Variants in AFTPH observed in about 807,000 individuals in gnomAD.
AFTPH encodes aftiphilin, also known as aftiphilin protein.
A neutral mutation model predicts 72.5 loss-of-function variants in AFTPH; 7 were observed. The ratio of observed to expected loss-of-function variants is 0.10; its 90% CI spans 0.05 to 0.18. The LOEUF is 0.18. AFTPH is among the 10% of genes least tolerant of loss of function. The probability of loss-of-function intolerance (pLI) is 1.00; values close to 1 mark genes in which losing one functional copy is unlikely to be tolerated. For synonymous variants in AFTPH, 337 were observed against 370.1 expected, an observed-to-expected ratio of 0.91 and a Z score of 1.03; for missense variants, 979 against 1,060.5, an observed-to-expected ratio of 0.92 and a Z score of 1.07.
chr2:64,568,618 A>G (rs1248036186), intron 3 of AFTPH, among the ~76,000 whole-genome samples: 1 of 152,128 alleles, frequency 6.6e-6, no homozygotes, highest in Non-Finnish European at 1.5e-5. Context: ...GAAATTTCAC[A>G]GTGAAATACC....
At chr2:64,572,817 G>T in intron 5 of AFTPH, 129 bp from the exon 6 acceptor site, 6 of 1,140,440 alleles carry the variant, frequency 5.3e-6, no homozygotes, top group Non-Finnish European at 4.8e-6. Context: ...AAAAAAAAAA[G>T]ACTAGTTCCT....
At chr2:64,527,580 C>CAAA in intron 1 of AFTPH, among the ~76,000 whole-genome samples, 1 of 135,616 alleles carries the variant, frequency 7.4e-6, no homozygotes. Context: ...AACATCATCT[C>CAAA]AAAAAAAAAA....
intron 7 of AFTPH, among the ~76,000 whole-genome samples, chr2:64,585,032 A>T (rs1323783080): frequency 6.6e-6 from 1 of 152,236 alleles, no homozygotes; most frequent in Non-Finnish European, 1.5e-5. Context: ...AAATGAGATT[A>T]GTTAATTGAA....
At chr2:64,541,848 T>C (rs963372260) in intron 1 of AFTPH, among the ~76,000 whole-genome samples, 1 of 152,214 alleles carries the variant, frequency 6.6e-6, no homozygotes, top group East Asian at 1.9e-4. Context: ...CTCAGACATA[T>C]TGTGGTAAAA....
At chr2:64,540,357 C>A (rs1670165498) in intron 1 of AFTPH, among the ~76,000 whole-genome samples, 1 of 152,056 alleles carries the variant, frequency 6.6e-6, no homozygotes, top group South Asian at 2.1e-4. Context: ...GTTGAAGTAC[C>A]TTTTGGGAAA....
intron 2 of AFTPH, among the ~76,000 whole-genome samples, chr2:64,555,310 C>T (rs1671287526): frequency 6.6e-6 from 1 of 152,090 alleles, no homozygotes; most frequent in Admixed American, 6.5e-5. Context: ...CCTGTAATCA[C>T]AGCACTTTGG....
chr2:64,572,864 A>T, intron 5 of AFTPH, 82 bp from the exon 6 acceptor site: 2 of 1,538,778 alleles, frequency 1.3e-6, no homozygotes, highest in Non-Finnish European at 8.8e-7. Flanking sequence ...CCTGTTTTTT[A>T]CCTTCTTCTT....
chr2:64,551,023 T>C (rs1671014104), intron 1 of AFTPH, among the ~76,000 whole-genome samples: 1 of 152,192 alleles, frequency 6.6e-6, no homozygotes, highest in South Asian at 2.1e-4. Context: ...CCTTTATTAA[T>C]ATAAAGAACT....
intron 2 of AFTPH, among the ~76,000 whole-genome samples, chr2:64,555,598 C>CACAA (rs554377351): frequency 6.9e-6 from 1 of 144,694 alleles, no homozygotes; most frequent in African/African-American, 2.6e-5. Context: ...CACACACACA[C>CACAA]AAGACTTTCT....
intron 5 of AFTPH, 22 bp downstream of exon 5, chr2:64,569,701 C>A (rs1294481745): frequency 1.2e-6 from 2 of 1,607,154 alleles, no homozygotes; most frequent in Non-Finnish European, 1.7e-6. Flanking sequence ...AATCTCTCTG[C>A]ATGTATTTAT....
At chr2:64,537,217 G>A (rs1669945647) in intron 1 of AFTPH, among the ~76,000 whole-genome samples, 1 of 151,990 alleles carries the variant, frequency 6.6e-6, no homozygotes, top group Non-Finnish European at 1.5e-5. Flanking sequence ...ATACATCCTT[G>A]CAGATGAAAT....
At chr2:64,538,462 ACACTCTTGAG>A (rs1451049284) in intron 1 of AFTPH, among the ~76,000 whole-genome samples, 6 of 152,178 alleles carry the variant, frequency 3.9e-5, no homozygotes, top group Non-Finnish European at 7.4e-5. Context: ...CCACACGCAT[ACACTCTTGAG>A]CACTATTTTG....
chr2:64,556,012 G>T lies in AFTPH; in HGVS notation c.1935+2603G>T, dbSNP rs556626161. 6.4e-5 allele frequency among the ~76,000 whole-genome samples: 8 copies of T among 125,466 alleles called. No homozygotes were observed. In the East Asian group the frequency reaches 2.7e-3, roughly 43 times the overall value. The allele number at this position is 125,466 out of a possible 152,430, so 82.3% of individuals were successfully genotyped here. ...CACTTTTTTTTTTTTTTTGGAGACA[G>T]AATCTTGCTCTGTCACCCAGGCTGG... On this transcript the variant is annotated intron_variant, in intron 2 of 8. Coordinates refer to ENST00000238856, the Ensembl canonical transcript of AFTPH.
intron 6 of AFTPH, among the ~76,000 whole-genome samples, chr2:64,578,484 C>A (rs563475031): frequency 6.6e-6 from 1 of 151,986 alleles, no homozygotes; most frequent in Non-Finnish European, 1.5e-5. Context: ...TTTGCACTGC[C>A]TTCCATCTTA....
intron 1 of AFTPH, among the ~76,000 whole-genome samples, chr2:64,525,024 G>A (rs921150112): frequency 1.3e-5 from 2 of 152,224 alleles, no homozygotes. Flanking sequence ...CCTCGTGACA[G>A]GTGTAAACAC....
chr2:64,570,910 T>TTC (rs1672376926), intron 5 of AFTPH, among the ~76,000 whole-genome samples: 1 of 38,594 alleles, frequency 2.6e-5, no homozygotes, highest in Non-Finnish European at 4.7e-5. Flanking sequence ...ACTTCTTTCC[T>TTC]CCCCTCCCCC....
rs1459615636 is a variant in AFTPH at position 64,579,336 on chromosome 2, C to T, written c.2395-150C>T. ...CAATTTCAGTTTGTGCTGATATTTG[C>T]AGGTAACCTTCTGAAATTGTAAATT... On this transcript the variant is annotated intron_variant, in intron 6 of 8. Transcript: ENST00000238856. 9 of 517,102 alleles carry T rather than the reference C, an allele frequency of 1.7e-5. No homozygotes were observed. In the Admixed American group the frequency reaches 2.1e-4, roughly 12 times the overall value. 32.0% of individuals were successfully genotyped at this position (517,102 alleles called of 1,614,324 possible).
At chr2:64,570,233 C>T (rs1169007133) in intron 5 of AFTPH, among the ~76,000 whole-genome samples, 1 of 152,132 alleles carries the variant, frequency 6.6e-6, no homozygotes, top group Non-Finnish European at 1.5e-5. Context: ...TGTTCCTTCT[C>T]AAGACTCAGT....
intron 1 of AFTPH, among the ~76,000 whole-genome samples, chr2:64,525,799 T>A (rs1347927147): frequency 6.6e-6 from 1 of 152,248 alleles, no homozygotes; most frequent in African/African-American, 2.4e-5. Flanking sequence ...TAGTAGTCAT[T>A]TTTAACACTT....
Sources: gnomAD v4.1 joint callset for allele counts (sites outside exome capture counted in the v4.1 genomes callset) on GRCh38, gnomAD v4.1.1 for gene constraint, MANE v1.5 for transcripts, NCBI Gene and HGNC (gene_info 2026-07-23, HGNC 2026-07-21) for gene names.